The following ULK2 variants were observed in gnomAD, a reference collection of about 807,000 sequenced individuals.
ULK2 encodes the protein serine/threonine-protein kinase ULK2.
In ULK2, 76 loss-of-function variants were observed where a neutral mutation model predicts 127.5. The ratio of observed to expected loss-of-function variants is 0.60; its 90% CI spans 0.50 to 0.72. The LOEUF is 0.72. Ranked by LOEUF, ULK2 falls within the 30% of genes least tolerant of loss-of-function variation. ULK2 has a pLI of 0.00. For synonymous variants in ULK2, 452 were observed against 461.9 expected (o/e 0.98, Z 0.28); for missense variants, 1,144 against 1,295.9 (o/e 0.88, Z 1.80).
At chr17:19,866,498 ACT>A (rs2042354363) in intron 1 of ULK2, among the ~76,000 whole-genome samples, 2 of 152,116 alleles carry the variant, frequency 1.3e-5, no homozygotes, top group Admixed American at 1.3e-4. Context: ...ACAAAGCGAG[ACT>A]CTGTCTCAAA....
chr17:19,862,313 T>C (rs923412251), intron 3 of ULK2, among the ~76,000 whole-genome samples: 1 of 152,098 alleles, frequency 6.6e-6, no homozygotes, highest in Non-Finnish European at 1.5e-5. Context: ...GCCAGGCTGG[T>C]CTTGAACTCC....
In ULK2 at chr17:19,826,943, C is replaced by T. The variant is rs1200691576; in HGVS notation, c.788-757G>A. 4.7e-5 allele frequency among the ~76,000 whole-genome samples: 7 copies of T among 148,974 alleles called. No homozygotes were observed. In the South Asian group the frequency reaches 8.4e-4, roughly 18 times the overall value. The stretch of plus-strand genomic sequence containing the variant: ...CTGCACTCCAGCCTGGGTGACAGAG[C>T]GAGACTCCGTCTCAAAAAAAAAAAA... On this transcript the variant is annotated intron_variant, in intron 10 of 26. Transcript: ENST00000395544.
At chr17:19,852,574 T>G (rs1236531216) in intron 3 of ULK2, among the ~76,000 whole-genome samples, 1 of 151,846 alleles carries the variant, frequency 6.6e-6, no homozygotes, top group Non-Finnish European at 1.5e-5. Context: ...CTAGGCTATT[T>G]AAAGTGTTTT....
chr17:19,855,231 C>G (rs1346625258), intron 3 of ULK2, among the ~76,000 whole-genome samples: 1 of 151,840 alleles, frequency 6.6e-6, no homozygotes, highest in Non-Finnish European at 1.5e-5. Flanking sequence ...TGTGAAACCC[C>G]GTCTCTACTA....
intron 10 of ULK2, among the ~76,000 whole-genome samples, chr17:19,829,607 G>A (rs564558726): frequency 2.7e-4 from 40 of 149,814 alleles, no homozygotes; most frequent in Admixed American, 4.7e-4. Context: ...GGAGGCTGAG[G>A]AGGGTGGATC....
rs2086835553 is a variant in ULK2, at chr17:19,777,590, C to T, written c.3043G>A (p.Val1015Met). The part of the protein sequence containing the change: ...ILQDPADIEN[V>M]HKYKCSIERR... ...TTGTAAGTCAACTTACATTTATGCACATTTTCAATATCTGCAGGGTCCTGT... is the reference window on the plus strand; with the variant it reads ...TTGTAAGTCAACTTACATTTATGCATATTTTCAATATCTGCAGGGTCCTGT... Residue 1015 changes from valine to methionine, a missense_variant, in exon 26 of 27, where the codon GTG (valine) becomes ATG (methionine). Physicochemically the swap from Val to Met is conservative, Grantham distance 21. Transcript: ENST00000395544. 1.3e-6 allele frequency: 2 copies of T among 1,596,752 alleles called. No homozygotes were observed. The highest frequency in any genetic ancestry group is 1.8e-5 in the Admixed American group (1 of 54,150).
At chr17:19,796,434 T>C in intron 18 of ULK2, 152 bp from the exon 19 acceptor site, 1 of 707,106 alleles carries the variant, frequency 1.4e-6, no homozygotes, top group East Asian at 3.2e-5. Context: ...CAAACCTTCT[T>C]GGAAGGCCGG....
intron 13 of ULK2, chr17:19,816,523 C>T: frequency 3.1e-6 from 1 of 324,288 alleles, no homozygotes; most frequent in East Asian, 5.0e-5. Flanking sequence ...AGATCATTTC[C>T]TATAAAGTTT....
At chr17:19,811,282 T>C (rs1377355842) in intron 13 of ULK2, 1 of 152,138 alleles carries the variant, frequency 6.6e-6, no homozygotes, top group Non-Finnish European at 1.5e-5. Flanking sequence ...TAAGTGTACT[T>C]CCTTTCGTAG....
intron 15 of ULK2, among the ~76,000 whole-genome samples, chr17:19,802,752 A>C (rs568776016): frequency 2.0e-5 from 3 of 152,338 alleles, no homozygotes; most frequent in African/African-American, 7.2e-5. Flanking sequence ...TGCAATGTGG[A>C]TCTGAAACCA....
intron 12 of ULK2, among the ~76,000 whole-genome samples, chr17:19,821,816 T>C (rs1451473014): frequency 1.3e-5 from 2 of 152,130 alleles, no homozygotes; most frequent in African/African-American, 4.8e-5. Flanking sequence ...CATAGCTCAC[T>C]GTAACCTCGA....
chr17:19,865,442 C>G (rs1399644363), intron 2 of ULK2, among the ~76,000 whole-genome samples: 1 of 152,122 alleles, frequency 6.6e-6, no homozygotes, highest in African/African-American at 2.4e-5. Flanking sequence ...GAGGTAAAAA[C>G]AATGTACAAG....
rs377666852 is a variant in ULK2 at position 19,842,249 on chromosome 17, G to A, written c.646-702C>T. Among the ~76,000 whole-genome samples, 14 of 144,534 alleles carry A rather than the reference G, an allele frequency of 9.7e-5. No individual in the cohort carries two copies. In the South Asian group the frequency reaches 1.5e-3, roughly 16 times the overall value. 94.8% of individuals were successfully genotyped at this position (144,534 alleles called of 152,430 possible). On this transcript the variant is annotated intron_variant, in intron 8 of 26. Coordinates refer to ENST00000395544, the MANE Select transcript of ULK2 (RefSeq NM_014683.4). ...TTTCGCTCTTGTTGCCCAGGCTGGA[G>A]TGCAATGGTGTGATCTCGGCTCACC...
chr17:19,822,669 G>A (rs530819524), intron 12 of ULK2, among the ~76,000 whole-genome samples: 83 of 151,338 alleles, frequency 5.5e-4, no homozygotes, highest in African/African-American at 1.1e-3. Flanking sequence ...CACCCGGCCC[G>A]TTTACTGTTT....
chr17:19,796,229 G>A lies in ULK2; in HGVS notation c.1863C>T (p.Ala621=). Residue 621 remains alanine, a synonymous_variant, in exon 19 of 27, where the codon GCC becomes GCT. Coordinates refer to ENST00000395544, the MANE Select transcript of ULK2 (RefSeq NM_014683.4). ...PKTQASSNLL[A]LVTRHGPAEE... is the part of the protein sequence containing the mutation. ...CAGCAGGCCCATGACGAGTAACCAA[G>A]GCTAACAGGTTGGAAGATGCTTGAG... The A allele has an allele frequency of 1.2e-6, 2 of 1,614,030 alleles. No individual in the cohort carries two copies. The highest frequency in any genetic ancestry group is 1.7e-6 in the Non-Finnish European group (2 of 1,180,012).
At position 19,849,785 on chromosome 17, in the gene ULK2, A is replaced by T. The variant is rs1396448199; in HGVS notation, c.226-11T>A. ...AGAGTTGGGTAATTCCTGAAAAGTAAACATATTAAATATCATTTAGAGAAA... is the reference window on the plus strand; with the variant it reads ...AGAGTTGGGTAATTCCTGAAAAGTATACATATTAAATATCATTTAGAGAAA... On this transcript the variant is annotated splice_polypyrimidine_tract_variant and intron_variant, in intron 3 of 26. Coordinates refer to ENST00000395544, the MANE Select transcript of ULK2 (RefSeq NM_014683.4). The T allele has an allele frequency of 4.6e-6, 7 of 1,506,906 alleles. No homozygotes were observed. The highest frequency in any genetic ancestry group is 6.3e-6 in the Non-Finnish European group (7 of 1,108,910). 93.3% of individuals were successfully genotyped at this position (1,506,906 alleles called of 1,614,324 possible).
chr17:19,861,924 A>C (rs2042250477), intron 3 of ULK2, among the ~76,000 whole-genome samples: 1 of 152,180 alleles, frequency 6.6e-6, no homozygotes, highest in African/African-American at 2.4e-5. Context: ...TTAAATTGTA[A>C]ATTTTTTGGA....
chr17:19,825,060 ACT>A (rs1210816282), intron 12 of ULK2, 32 bp downstream of exon 12: 1 of 1,581,190 alleles, frequency 6.3e-7, no homozygotes, highest in East Asian at 2.2e-5. Context: ...AATAGCACTA[ACT>A]CTGAAATTAT....
At chr17:19,784,513 CTTTTTTTTTTTTTTT>C (rs563736244) in intron 21 of ULK2, among the ~76,000 whole-genome samples, 4 of 45,098 alleles carry the variant, frequency 8.9e-5, no homozygotes, top group East Asian at 8.5e-4. Context: ...GGACATGATA[CTTTTTTTTTTTTTTT>C]TTTTTTTTTT....
Sources: allele counts gnomAD v4.1 joint callset (sites outside exome capture counted in the v4.1 genomes callset), GRCh38; gene constraint gnomAD v4.1.1; transcripts MANE v1.5; gene names NCBI Gene and HGNC (gene_info 2026-07-23, HGNC 2026-07-21).